Variants in SEMA3D observed in about 807,000 individuals in gnomAD.
The protein encoded by SEMA3D is semaphorin-3D.
In SEMA3D, 84 loss-of-function variants were observed where a neutral mutation model predicts 100.1. The ratio of observed to expected loss-of-function variants is 0.84; its 90% CI spans 0.70 to 1.01. The LOEUF is 1.01. SEMA3D is among the 50% of genes least tolerant of loss of function. SEMA3D has a pLI of 0.00. For synonymous variants in SEMA3D, 312 were observed against 320.7 expected, an observed-to-expected ratio of 0.97 and a Z score of 0.29; for missense variants, 875 against 934.1, an observed-to-expected ratio of 0.94 and a Z score of 0.82.
chr7:85,168,878 A>G lies in SEMA3D; in HGVS notation c.-172-15139T>C, dbSNP rs563172537. Reference sequence around the variant, plus strand: ...GAAAGAAAGAAAGAAAGAAAGAAAGAAAAGAAAGAAAGAAAAAGAGAAACA... The same window carrying G: ...GAAAGAAAGAAAGAAAGAAAGAAAGGAAAGAAAGAAAGAAAAAGAGAAACA... On this transcript the variant is annotated intron_variant, in intron 1 of 18. Transcript: ENST00000284136. Among the ~76,000 whole-genome samples the G allele has an allele frequency of 8.7e-4, 120 of 138,136 alleles. 1 individual carries two copies. The highest frequency in any genetic ancestry group is 2.4e-3 in the African/African-American group (91 of 37,834). 90.6% of individuals were successfully genotyped at this position (138,136 alleles called of 152,430 possible).
chr7:85,183,281 A>C (rs1791450113), intron 1 of SEMA3D, among the ~76,000 whole-genome samples: 2 of 152,228 alleles, frequency 1.3e-5, no homozygotes, highest in Non-Finnish European at 2.9e-5. Flanking sequence ...GTTAACAAAT[A>C]TCCATGCAAT....
the SEMA3D span, among the ~76,000 whole-genome samples, chr7:85,197,293 A>T: frequency 6.6e-6 from 1 of 152,164 alleles, no homozygotes; most frequent in East Asian, 1.9e-4. Flanking sequence ...AACAGTTGGC[A>T]TCTATTGCCT....
At position 85,081,599 on chromosome 7, in the gene SEMA3D, A is replaced by G. The variant is rs749325008; in HGVS notation, c.313-20T>C. ...ATAAATCTGCAAAACATTTCAAAGT[A>G]TGTTACAACCTGAATATCTGAAACA... On this transcript the variant is annotated intron_variant, in intron 4 of 18. Coordinates refer to ENST00000284136, the MANE Select transcript of SEMA3D (RefSeq NM_001384900.1). The G allele has an allele frequency of 3.8e-6, 6 of 1,573,306 alleles. No individual in the cohort carries two copies. The East Asian group carries it at 1.3e-4, about 35-fold the overall frequency.
rs1456182063 is a variant in SEMA3D, at chr7:84,995,834, T to C, written c.*3606A>G. On this transcript the variant is annotated 3_prime_UTR_variant, in exon 19 of 19. Coordinates refer to ENST00000284136, the MANE Select transcript of SEMA3D (RefSeq NM_001384900.1). ...ATATTTAAATGAGAGGTATAAGTCATGTGTATGATCCTGTCTTTGCACTCC... is the reference window on the plus strand; with the variant it reads ...ATATTTAAATGAGAGGTATAAGTCACGTGTATGATCCTGTCTTTGCACTCC... The C allele has an allele frequency of 3.3e-5, 5 of 152,006 alleles. No homozygotes were observed. The highest frequency in any genetic ancestry group is 7.4e-5 in the Non-Finnish European group (5 of 67,900). 9.4% of individuals were successfully genotyped at this position (152,006 alleles called of 1,614,324 possible). A position where few individuals can be genotyped will look rare whatever the true frequency, so the allele number is the denominator to read the frequency against.
At chr7:85,138,939 A>G (rs1173719048) in intron 2 of SEMA3D, among the ~76,000 whole-genome samples, 1 of 151,880 alleles carries the variant, frequency 6.6e-6, no homozygotes, top group African/African-American at 2.4e-5. Flanking sequence ...CTGGCTTTCT[A>G]TTGGACGTTC....
chr7:85,198,413 T>C, the SEMA3D span, among the ~76,000 whole-genome samples: 2 of 152,058 alleles, frequency 1.3e-5, no homozygotes, highest in Non-Finnish European at 1.5e-5. Context: ...TTTCCTACCT[T>C]TATCATGGAT....
At position 85,155,137 on chromosome 7, in the gene SEMA3D, C is replaced by CT. The variant is rs887735435; in HGVS notation, c.-172-1399dup. On this transcript the variant is annotated intron_variant, in intron 1 of 18. Transcript: ENST00000284136. ...TGTACACCCACACCTAGATTCTACA[C>CT]TTTTTTTTTTGACATTTGCTTTATT... 9.9e-3 allele frequency among the ~76,000 whole-genome samples: 1,476 copies of CT among 148,720 alleles called. 11 individuals carry two copies. Among genetic ancestry groups the CT allele is most frequent in the Non-Finnish European group, 0.017 (1,104 of 66,800 alleles).
chr7:85,164,490 A>C (rs1286448878), intron 1 of SEMA3D, among the ~76,000 whole-genome samples: 1 of 152,144 alleles, frequency 6.6e-6, no homozygotes. Context: ...CTTAGTCATT[A>C]TAAGTTCTCA....
chr7:85,128,875 AT>A (rs1230730007), intron 2 of SEMA3D, among the ~76,000 whole-genome samples: 18 of 122,726 alleles, frequency 1.5e-4, no homozygotes, highest in Admixed American at 2.7e-4. Flanking sequence ...ATATATATAT[AT>A]TTTTTTCCTT....
chr7:85,202,148 G>T, the SEMA3D span, among the ~76,000 whole-genome samples: 1 of 150,978 alleles, frequency 6.6e-6, no homozygotes, highest in Admixed American at 6.6e-5. Context: ...ATGCTGGTGT[G>T]CTGCACCCAC....
At chr7:85,037,096 C>A in intron 11 of SEMA3D, 63 bp from the exon 12 acceptor site, 1 of 1,520,652 alleles carries the variant, frequency 6.6e-7, no homozygotes. Context: ...ATTGACTGAG[C>A]ACATACTATC....
In SEMA3D at chr7:84,999,697, G is replaced by T; in HGVS notation, c.2077C>A (p.Gln693Lys). Residue 693 changes from glutamine to lysine, a missense_variant, in exon 19 of 19, where the codon CAG (glutamine) becomes AAG (lysine). Gln to Lys is a moderately conservative substitution (Grantham distance 53, BLOSUM62 1). Transcript: ENST00000284136. ...VIENEQMENT[Q>K]RAEHEEGKVK... ...TTCCCCTCCTCATGCTCTGCCCTCT[G>T]GGTATTTTCCATCTGTTCATTCTCA... 6.2e-7 allele frequency: 1 copy of T among 1,613,964 alleles called. No individual in the cohort carries two copies. The highest frequency in any genetic ancestry group is 8.5e-7 in the Non-Finnish European group (1 of 1,179,988).
chr7:85,190,151 T>A (rs915644173), upstream of SEMA3D, among the ~76,000 whole-genome samples: 1 of 152,088 alleles, frequency 6.6e-6, no homozygotes, highest in African/African-American at 2.4e-5. Flanking sequence ...CAATCCTAGT[T>A]CTCTCTGAAC....
chr7:85,063,424 G>C (rs1224076388), intron 8 of SEMA3D, among the ~76,000 whole-genome samples: 1 of 152,138 alleles, frequency 6.6e-6, no homozygotes, highest in Non-Finnish European at 1.5e-5. Flanking sequence ...CTTGAAGTCA[G>C]TCAATTGAGA....
the SEMA3D span, among the ~76,000 whole-genome samples, chr7:85,235,596 T>C: frequency 6.6e-6 from 1 of 152,180 alleles, no homozygotes. Flanking sequence ...AGCTAAGGAT[T>C]TGGAGCTAAT....
chr7:85,164,275 C>T (rs1044262180), intron 1 of SEMA3D, among the ~76,000 whole-genome samples: 1 of 151,998 alleles, frequency 6.6e-6, no homozygotes, highest in Non-Finnish European at 1.5e-5. Flanking sequence ...CCACCTATCA[C>T]GGATTTAAAC....
chr7:85,091,770 C>T (rs1788401199), intron 4 of SEMA3D, among the ~76,000 whole-genome samples: 1 of 152,030 alleles, frequency 6.6e-6, no homozygotes, highest in African/African-American at 2.4e-5. Context: ...GAACAGGCTT[C>T]TAATGCATCA....
chr7:85,213,800 G>A, the SEMA3D span, among the ~76,000 whole-genome samples: 1 of 152,114 alleles, frequency 6.6e-6, no homozygotes, highest in Admixed American at 6.6e-5. Flanking sequence ...CATTTGATAA[G>A]TGTGTTTTAT....
At chr7:85,096,844 T>G (rs1788570447) in intron 4 of SEMA3D, among the ~76,000 whole-genome samples, 1 of 151,884 alleles carries the variant, frequency 6.6e-6, no homozygotes. Flanking sequence ...TAATACTGTA[T>G]GTAGCTTCAA....
Sources: gnomAD v4.1 joint callset for allele counts (sites outside exome capture counted in the v4.1 genomes callset) on GRCh38, gnomAD v4.1.1 for gene constraint, MANE v1.5 for transcripts, NCBI Gene and HGNC (gene_info 2026-07-23, HGNC 2026-07-21) for gene names.